DUOX2: variants seen among roughly 807,000 people sequenced by gnomAD.
The protein encoded by DUOX2 is NADH/NADPH thyroid oxidase p138-tox.
A neutral mutation model predicts 183.3 loss-of-function variants in DUOX2; 185 were observed. That is an observed-to-expected ratio of 1.01 (90% confidence interval 0.90 to 1.14). The LOEUF (loss-of-function observed/expected upper bound fraction) is 1.14. DUOX2 is among the 50% of genes most tolerant of loss of function. The pLI is 0.00. For synonymous variants in DUOX2, 788 were observed against 812.4 expected (o/e 0.97, Z 0.51); for missense variants, 1,999 against 2,022.9 (o/e 0.99, Z 0.23).
rs1295459456 is a variant in DUOX2 at position 45,095,490 on chromosome 15, G to A, written c.4186C>T (p.Leu1396Phe). ...GATGACTTGAAGACCAGGTCTTTGA[G>A]GATGGAGGCAAAGGGGGTGACCCCA... ...GIGVTPFASI[L>F]KDLVFKSSLG... Residue 1396 changes from leucine to phenylalanine, a missense_variant, in exon 31 of 34, where the codon CTC becomes TTC. By Grantham distance (22) the Leu-to-Phe change is conservative. This residue lies in a region of DUOX2 where 1,628 missense variants were observed against 1,608.6 expected (regional missense o/e 1.01). Coordinates refer to ENST00000389039, the MANE Select transcript of DUOX2 (RefSeq NM_001363711.2). 2 of 1,614,102 alleles carry A rather than the reference G, an allele frequency of 1.2e-6. No individual in the cohort carries two copies. The highest frequency in any genetic ancestry group is 2.2e-5 in the East Asian group (1 of 44,888).
In DUOX2 at chr15:45,094,344, C is replaced by T. The variant is rs1893843651; in HGVS notation, c.4525-72G>A. The T allele has an allele frequency of 5.6e-6, 9 of 1,607,534 alleles. No individual in the cohort carries two copies. The Admixed American group carries it at 1.2e-4, about 21-fold the overall frequency. The stretch of plus-strand genomic sequence containing the variant: ...TCACTCTCCTTGGGAAAAGCTGCTT[C>T]CTGAGCCTGGCTGGAATGACTAAGG... On this transcript the variant is annotated intron_variant, in intron 33 of 33. Coordinates refer to ENST00000389039, the MANE Select transcript of DUOX2 (RefSeq NM_001363711.2).
At chr15:45,109,100 C>G in intron 11 of DUOX2, 148 bp from the exon 12 acceptor site, 10 of 1,096,790 alleles carry the variant, frequency 9.1e-6, no homozygotes, top group Non-Finnish European at 1.2e-5. Flanking sequence ...GCTGACCTTG[C>G]CTTGCTGCAA....
intron 26 of DUOX2, among the ~76,000 whole-genome samples, chr15:45,098,772 T>C (rs1458065689): frequency 1.3e-5 from 2 of 151,928 alleles, no homozygotes; most frequent in African/African-American, 4.8e-5. Context: ...GTACTGATCA[T>C]GGCTCACTGC....
At chr15:45,100,024 C>T in intron 24 of DUOX2, 26 bp downstream of exon 24, 1 of 1,614,202 alleles carries the variant, frequency 6.2e-7, no homozygotes, top group Non-Finnish European at 8.5e-7. Flanking sequence ...GCTCCCTACC[C>T]ACTGCCCACA....
Position 45,095,087 on chromosome 15 carries a change from T to G in DUOX2, c.4244A>C (p.Tyr1415Ser). 6.2e-7 allele frequency: 1 copy of G among 1,613,522 alleles called. No individual in the cohort carries two copies. Among genetic ancestry groups the G allele is most frequent in the Non-Finnish European group, 8.5e-7 (1 of 1,179,902 alleles). Residue 1415 changes from tyrosine (Y) to serine (S), a missense_variant, in exon 32 of 34, where the codon TAC becomes TCC. This residue lies in a region of DUOX2 where 1,628 missense variants were observed against 1,608.6 expected (regional missense o/e 1.01). Transcript: ENST00000389039. ...LGSQMLCKKI[Y>S]FIWVTRTQRQ... ...CTGGGTCCGTGTCACCCAGATGAAG[T>G]AGATCTGGGGACACAGGGCTGGAGA...
intron 29 of DUOX2, 37 bp downstream of exon 29, chr15:45,097,201 C>G (rs2141141447): frequency 6.2e-7 from 1 of 1,613,662 alleles, no homozygotes; most frequent in East Asian, 2.2e-5. Flanking sequence ...GATTTGGCCT[C>G]TGTCGCTCCC....
chr15:45,107,054 C>G, intron 14 of DUOX2, 85 bp from the exon 15 acceptor site: 1 of 1,534,330 alleles, frequency 6.5e-7, no homozygotes, highest in Admixed American at 2.0e-5. Context: ...TATAAAGGAC[C>G]AAGGTATCAT....
rs371611371 is a variant in DUOX2, at chr15:45,100,088, G to A, written c.3146C>T (p.Ser1049Leu). Residue 1049 changes from serine (S) to leucine (L), a missense_variant, in exon 24 of 34, where the codon TCG (serine) becomes TTG (leucine). By Grantham distance (145) the Ser-to-Leu change is moderately radical. Coordinates refer to ENST00000389039, the MANE Select transcript of DUOX2 (RefSeq NM_001363711.2). ...RRHIVCVAIF[S>L]AICVGVFADR... Reference sequence around the variant, plus strand: ...TGCAAACACGCCAACACAGATGGCCGAGAAGATTGCCACACACACGATGTG... The same window carrying A: ...TGCAAACACGCCAACACAGATGGCCAAGAAGATTGCCACACACACGATGTG... 1.4e-5 allele frequency: 23 copies of A among 1,614,106 alleles called. No homozygotes were observed. The African/African-American group carries it at 1.5e-4, about 10-fold the overall frequency.
Position 45,100,040 on chromosome 15 carries a change from G to A in DUOX2, c.3184+10C>T, listed in dbSNP as rs577543265. 4.3e-6 allele frequency: 7 copies of A among 1,614,082 alleles called. No homozygotes were observed. The highest frequency in any genetic ancestry group is 4.0e-5 in the African/African-American group (3 of 74,926). On this transcript the variant is annotated intron_variant, in intron 24 of 33. Transcript: ENST00000389039. ...CTCCCTACCCACTGCCCACAGCCTG[G>A]AACTCTTACAGTAAGCACGATCTGC...
At position 45,097,309 on chromosome 15, in the gene DUOX2, C is replaced by T. The variant is rs373087137; in HGVS notation, c.3776G>A (p.Gly1259Asp). Residue 1259 changes from glycine (G) to aspartate (D), a missense_variant, in exon 29 of 34, where the codon GGT becomes GAT. Gly to Asp is a moderately conservative substitution (Grantham distance 94, BLOSUM62 -1). Around this residue, in one of 3 missense-constraint regions of DUOX2, gnomAD observed 1,628 missense variants for 1,608.6 expected, o/e 1.01. Transcript: ENST00000389039. Reference sequence around the variant, plus strand: ...CCGGCTCAGGCTCACCAGCTTGTCACCTCCATAGATGATTGCCGGGACCAG... The same window carrying T: ...CCGGCTCAGGCTCACCAGCTTGTCATCTCCATAGATGATTGCCGGGACCAG... ...YFLVPAIIYG[G>D]DKLVSLSRKK... 10 of 1,614,230 alleles carry T rather than the reference C, an allele frequency of 6.2e-6. No individual in the cohort carries two copies. The highest frequency in any genetic ancestry group is 8.5e-6 in the Non-Finnish European group (10 of 1,180,050).
chr15:45,101,755 C>T (rs530714605), intron 21 of DUOX2, 38 bp downstream of exon 21: 2 of 1,613,784 alleles, frequency 1.2e-6, no homozygotes, highest in South Asian at 2.2e-5. Flanking sequence ...GAGGACACGC[C>T]CCCCCTCCCT....
chr15:45,106,498 T>C (rs1456873435), intron 16 of DUOX2, 30 bp downstream of exon 16: 2 of 1,609,024 alleles, frequency 1.2e-6, no homozygotes, highest in Admixed American at 3.3e-5. Context: ...CCTCCGTCCC[T>C]CCTCCCTCCT....
At position 45,114,026 on chromosome 15, in the gene DUOX2, T is replaced by G. The variant is rs1894531829; in HGVS notation, c.-68A>C. 5.2e-6 allele frequency: 1 copy of G among 194,086 alleles called. No individual in the cohort carries two copies. Among genetic ancestry groups the G allele is most frequent in the Non-Finnish European group, 1.1e-5 (1 of 92,882 alleles). 12.0% of individuals were successfully genotyped at this position (194,086 alleles called of 1,614,324 possible). On this transcript the variant is annotated 5_prime_UTR_variant, in exon 1 of 34. Coordinates refer to ENST00000389039, the MANE Select transcript of DUOX2 (RefSeq NM_001363711.2). ...ATGTCTTCTTTCCTCTTAAAATCTT[T>G]GCTTCTGTGCTCTACTTCTTGCCTT...
Position 45,108,893 on chromosome 15 carries a change from G to A in DUOX2, c.1294C>T (p.Arg432Cys), listed in dbSNP as rs978028019. 34 of 1,614,134 alleles carry A rather than the reference G, an allele frequency of 2.1e-5. No individual in the cohort carries two copies. The highest frequency in any genetic ancestry group is 1.6e-4 in the Middle Eastern group (1 of 6,084). The change falls in exon 12 of 34, where the codon CGT (arginine) becomes TGT (cysteine). Residue 432 changes from arginine to cysteine, a missense_variant. Physicochemically the swap from Arg to Cys is radical, Grantham distance 180 (BLOSUM62 -3). Transcript: ENST00000389039. ...RTDYVASSIQ[R>C]GRDMGLPSYS... ...CTGGGCAGCCCCATATCTCGGCCAC[G>A]TTGGATGCTGCTGGCCACATAGTCT...
Position 45,113,403 on chromosome 15 carries a change from A to G in DUOX2, c.9T>C (p.Arg3=), listed in dbSNP as rs763920832. ...GGAGCATCAGTGCCTCTGGTCTTGC[A>G]CGGAGCATGCCAACCCTGCAGCCTG... ML[R]ARPEALMLLG... The change falls in exon 2 of 34, where the codon CGT becomes CGC. Residue 3 remains arginine, a synonymous_variant. Transcript: ENST00000389039. 4 of 1,563,378 alleles carry G rather than the reference A, an allele frequency of 2.6e-6. No individual in the cohort carries two copies. In the South Asian group the frequency reaches 3.5e-5, roughly 14 times the overall value.
Position 45,101,367 on chromosome 15 carries a change from T to C in DUOX2, c.2852-93A>G, listed in dbSNP as rs547635764. The C allele has an allele frequency of 7.4e-6, 8 of 1,086,918 alleles. No homozygotes were observed. The African/African-American group carries it at 1.1e-4, about 15-fold the overall frequency. 67.3% of individuals were successfully genotyped at this position (1,086,918 alleles called of 1,614,324 possible). ...GCCCTCCTCCCTTCTGGGAAAGTCA[T>C]GTCCAGATCTCTGACTCGAGTCCTG... On this transcript the variant is annotated intron_variant, in intron 21 of 33. Coordinates refer to ENST00000389039, the MANE Select transcript of DUOX2 (RefSeq NM_001363711.2).
At position 45,105,816 on chromosome 15, in the gene DUOX2, T is replaced by C. The variant is rs1311602820; in HGVS notation, c.2161A>G (p.Ser721Gly). 1 of 1,613,990 alleles carries C rather than the reference T, an allele frequency of 6.2e-7. No homozygotes were observed. The highest frequency in any genetic ancestry group is 8.5e-7 in the Non-Finnish European group (1 of 1,180,026). Residue 721 changes from serine (S) to glycine (G), a missense_variant, in exon 18 of 34, where the codon AGT (serine) becomes GGT (glycine). Ser to Gly is a moderately conservative substitution (Grantham distance 56). Around this residue, in one of 3 missense-constraint regions of DUOX2, gnomAD observed 1,628 missense variants for 1,608.6 expected, o/e 1.01. Transcript: ENST00000389039. Reference sequence around the variant, plus strand: ...AAGGCGCCCCGTTCCTCTTCAGAACTAAACAGCAGCACCTGGGTGGGAGGA... The same window carrying C: ...AAGGCGCCCCGTTCCTCTTCAGAACCAAACAGCAGCACCTGGGTGGGAGGA... The part of the protein sequence containing the change: ...PKEYDLVLLF[S>G]SEEERGAFVQ...
At chr15:45,098,204 C>T in intron 26 of DUOX2, 146 bp from the exon 27 acceptor site, 2 of 734,400 alleles carry the variant, frequency 2.7e-6, no homozygotes, top group Admixed American at 4.7e-5. Context: ...CTCCAAGGAA[C>T]TTGGCACCCA....
Position 45,112,495 on chromosome 15 carries a change from C to T in DUOX2, c.325+59G>A, listed in dbSNP as rs751151. The T allele has an allele frequency of 0.063, 100,467 of 1,592,024 alleles. 3,562 individuals are homozygous for T. The highest frequency in any genetic ancestry group is 0.093 in the African/African-American group (6,943 of 74,498). ...TGGACTCGCAGACGGGATCTGGCCCCTCCCCCAGGCTGAGCAGAGCGCCAG... is the reference window on the plus strand; with the variant it reads ...TGGACTCGCAGACGGGATCTGGCCCTTCCCCCAGGCTGAGCAGAGCGCCAG... On this transcript the variant is annotated intron_variant, in intron 4 of 33. Coordinates refer to ENST00000389039, the MANE Select transcript of DUOX2 (RefSeq NM_001363711.2).
Sources: gnomAD v4.1 joint callset for allele counts (sites outside exome capture counted in the v4.1 genomes callset) on GRCh38, gnomAD v4.1.1 for gene constraint, gnomAD v4.1.1 regional missense constraint, MANE v1.5 for transcripts, NCBI Gene and HGNC (gene_info 2026-07-23, HGNC 2026-07-21) for gene names.